The following EYS variants were observed in gnomAD, a reference collection of about 807,000 sequenced individuals.
EYS encodes the protein EGF-like photoreceptor maintenance factor, also known as protein eyes shut homolog.
A neutral mutation model predicts 282.1 loss-of-function variants in EYS; 250 were observed. The ratio of observed to expected loss-of-function variants is 0.89; its 90% CI spans 0.80 to 0.98. The LOEUF is 0.98. EYS is among the 50% of genes least tolerant of loss of function. The pLI, the probability that EYS is intolerant of heterozygous loss-of-function variation, is 0.00. For missense variants in EYS, 4,016 were observed against 3,709.0 expected, an observed-to-expected ratio of 1.08 and a Z score of -2.15; for synonymous variants, 1,355 against 1,282.9, an observed-to-expected ratio of 1.06 and a Z score of -1.20.
rs528421723 is a variant in EYS, at chr6:65,504,389, A to T, written c.-332-8396T>A. On this transcript the variant is annotated intron_variant, in intron 2 of 42. Transcript: ENST00000503581. ...TTATGTCTTTCTTATTAGTCTGCAT[A>T]TATTTTCATGCTTTTATTTTCTAAT... Among the ~76,000 whole-genome samples, 6 of 151,784 alleles carry T rather than the reference A, an allele frequency of 4.0e-5. No homozygotes were observed. The South Asian group carries it at 1.2e-3, about 31-fold the overall frequency.
intron 28 of EYS, among the ~76,000 whole-genome samples, chr6:64,414,518 G>A (rs1774005202): frequency 6.6e-6 from 1 of 151,978 alleles, no homozygotes; most frequent in Non-Finnish European, 1.5e-5. Context: ...TAACCATTTG[G>A]CCAAACATAG....
intron 36 of EYS, among the ~76,000 whole-genome samples, chr6:63,854,228 G>A (rs545634349): frequency 6.6e-6 from 1 of 152,252 alleles, no homozygotes; most frequent in African/African-American, 2.4e-5. Context: ...TGTTAGACTG[G>A]ATAAAGAAAA....
intron 26 of EYS, among the ~76,000 whole-genome samples, chr6:64,476,107 A>AT (rs1186744170): frequency 1.3e-5 from 2 of 152,276 alleles, no homozygotes; most frequent in East Asian, 1.9e-4. Flanking sequence ...TGACTTTTCT[A>AT]TTTTTAAAAA....
chr6:64,168,818 TGTG>T (rs990260544), intron 31 of EYS, among the ~76,000 whole-genome samples: 63 of 152,226 alleles, frequency 4.1e-4, no homozygotes, highest in African/African-American at 1.4e-3. Flanking sequence ...AAAATTAGAT[TGTG>T]GTGATATTTG....
chr6:64,942,950 A>C (rs1769146702), intron 15 of EYS, among the ~76,000 whole-genome samples: 1 of 152,026 alleles, frequency 6.6e-6, no homozygotes, highest in Non-Finnish European at 1.5e-5. Flanking sequence ...CTACAGGCCA[A>C]TACACCTTAT....
chr6:63,910,627 C>A (rs1773889589), intron 35 of EYS, among the ~76,000 whole-genome samples: 1 of 152,054 alleles, frequency 6.6e-6, no homozygotes, highest in African/African-American at 2.4e-5. Context: ...ATTGTACTTA[C>A]CATACAGAAG....
intron 41 of EYS, among the ~76,000 whole-genome samples, chr6:63,741,275 T>A (rs1769069346): frequency 6.6e-6 from 1 of 152,190 alleles, no homozygotes; most frequent in Non-Finnish European, 1.5e-5. Context: ...TTATATTTAC[T>A]CCTGTTTAAC....
intron 2 of EYS, among the ~76,000 whole-genome samples, chr6:65,585,547 TTAAA>T (rs1300083971): frequency 6.6e-6 from 1 of 152,112 alleles, no homozygotes; most frequent in Non-Finnish European, 1.5e-5. Context: ...TATAAAAATG[TTAAA>T]TAAATAATAC....
chr6:64,765,990 A>G (rs1231130725), intron 22 of EYS, among the ~76,000 whole-genome samples: 1 of 152,142 alleles, frequency 6.6e-6, no homozygotes, highest in Admixed American at 6.5e-5. Flanking sequence ...ATTTTCAAGT[A>G]ATTAGGGTCA....
chr6:64,652,276 C>A (rs1268680766), intron 22 of EYS, among the ~76,000 whole-genome samples: 1 of 152,086 alleles, frequency 6.6e-6, no homozygotes, highest in African/African-American at 2.4e-5. Flanking sequence ...GGGGGTGGGC[C>A]TTAATCTAAT....
intron 26 of EYS, among the ~76,000 whole-genome samples, chr6:64,549,557 G>A (rs567377947): frequency 1.8e-4 from 28 of 152,132 alleles, no homozygotes; most frequent in African/African-American, 5.8e-4. Flanking sequence ...GTTATATTCC[G>A]GGATAAACTT....
At chr6:65,669,022 G>C (rs1768291032) in intron 1 of EYS, among the ~76,000 whole-genome samples, 1 of 151,860 alleles carries the variant, frequency 6.6e-6, no homozygotes, top group Non-Finnish European at 1.5e-5. Context: ...ATAAACTATG[G>C]ATTCTAAGAA....
chr6:63,973,556 A>G (rs945961738), intron 35 of EYS, among the ~76,000 whole-genome samples: 3 of 152,100 alleles, frequency 2.0e-5, no homozygotes, highest in African/African-American at 7.2e-5. Flanking sequence ...TTTATACTCC[A>G]TTTTATCATT....
chr6:63,730,734 G>T (rs1160116629), intron 41 of EYS, among the ~76,000 whole-genome samples: 1 of 152,108 alleles, frequency 6.6e-6, no homozygotes, highest in African/African-American at 2.4e-5. Flanking sequence ...AAATTATTTT[G>T]TTATCGTCTG....
At chr6:63,724,235 TC>T (rs1346076554) in intron 42 of EYS, among the ~76,000 whole-genome samples, 9 of 152,178 alleles carry the variant, frequency 5.9e-5, no homozygotes, top group African/African-American at 1.9e-4. Flanking sequence ...CTGAGGCTTC[TC>T]CCACCTTTGT....
chr6:63,819,705 A>C (rs1012375901), intron 36 of EYS, among the ~76,000 whole-genome samples: 1 of 152,204 alleles, frequency 6.6e-6, no homozygotes, highest in Admixed American at 6.5e-5. Flanking sequence ...TTCACTGTGA[A>C]GCCTGTTGTT....
At chr6:65,289,506 C>G (rs1768463338) in intron 12 of EYS, among the ~76,000 whole-genome samples, 1 of 151,146 alleles carries the variant, frequency 6.6e-6, no homozygotes, top group Non-Finnish European at 1.5e-5. Context: ...CATCAAAATA[C>G]TGCTTTCGGA....
chr6:65,064,934 TCTCACAGAAAGG>T (rs1321004156), intron 12 of EYS, among the ~76,000 whole-genome samples: 2 of 151,848 alleles, frequency 1.3e-5, no homozygotes, highest in Admixed American at 1.3e-4. Context: ...GGAAGGTGAG[TCTCACAGAAAGG>T]CTGATCCTTA....
intron 26 of EYS, among the ~76,000 whole-genome samples, chr6:64,533,674 T>C (rs955327796): frequency 6.6e-6 from 1 of 151,966 alleles, no homozygotes; most frequent in South Asian, 2.1e-4. Context: ...ATTTATAATA[T>C]AAAAATTACT....
Sources: allele counts gnomAD v4.1 joint callset (sites outside exome capture counted in the v4.1 genomes callset), GRCh38; gene constraint gnomAD v4.1.1; transcripts MANE v1.5; gene names NCBI Gene and HGNC (gene_info 2026-07-23, HGNC 2026-07-21).